Variants in SGTA observed in about 807,000 individuals in gnomAD.
SGTA encodes small glutamine rich tetratricopeptide repeat co-chaperone alpha.
Under a neutral mutation model 44.3 loss-of-function variants are expected in SGTA, and 22 were observed. The ratio of observed to expected loss-of-function variants is 0.50; its 90% confidence interval spans 0.36 to 0.71. The LOEUF (loss-of-function observed/expected upper bound fraction) is 0.71, where lower values mean the gene tolerates loss of function less well. Among genes scored for constraint, SGTA ranks in the 30% least tolerant of loss-of-function variants. SGTA has a pLI of 0.00. For synonymous variants in SGTA, 174 were observed against 177.6 expected (o/e 0.98, Z 0.16); for missense variants, 341 against 435.9 (o/e 0.78, Z 1.94).
chr19:2,771,070 G>A (rs933844707), intron 1 of SGTA, among the ~76,000 whole-genome samples: 7 of 152,192 alleles, frequency 4.6e-5, no homozygotes, highest in Non-Finnish European at 8.8e-5. Context: ...GTCAGGGGTC[G>A]GGGAAAAAAT....
chr19:2,772,620 G>T (rs899013446), intron 1 of SGTA, among the ~76,000 whole-genome samples: 1 of 152,256 alleles, frequency 6.6e-6, no homozygotes, highest in Non-Finnish European at 1.5e-5. Flanking sequence ...CTGGAAATAA[G>T]ATCTTGGCGG....
intron 4 of SGTA, among the ~76,000 whole-genome samples, chr19:2,766,424 T>C (rs1257599414): frequency 6.6e-6 from 1 of 151,810 alleles, no homozygotes; most frequent in East Asian, 1.9e-4. Flanking sequence ...TTTTATTGTT[T>C]TATTTTTTAT....
chr19:2,781,189 T>C (rs1915567277), intron 1 of SGTA, among the ~76,000 whole-genome samples: 1 of 152,180 alleles, frequency 6.6e-6, no homozygotes, highest in Non-Finnish European at 1.5e-5. Flanking sequence ...AGACGACAGC[T>C]CTCAAGGATC....
chr19:2,768,194 C>T (rs1915203416), intron 2 of SGTA, among the ~76,000 whole-genome samples: 1 of 152,174 alleles, frequency 6.6e-6, no homozygotes, highest in African/African-American at 2.4e-5. Flanking sequence ...TGCTGGCCCA[C>T]CTGACAGACT....
At chr19:2,768,942 AG>A (rs762564339) in intron 2 of SGTA, 26 bp downstream of exon 2, 3 of 1,543,044 alleles carry the variant, frequency 1.9e-6, no homozygotes, top group Non-Finnish European at 2.7e-6. Flanking sequence ...GCCCGGGGAG[AG>A]GGGGAAGTGG....
In SGTA at chr19:2,758,188, T is replaced by C. The variant is rs575832121; in HGVS notation, c.738-406A>G. ...AGGACGGCCCTGCTCCAGAAACTGG[T>C]CCAGCTCAAATGGCCACGGTGCTGT... is the stretch of plus-strand genomic sequence containing the variant. On this transcript the variant is annotated intron_variant, in intron 9 of 11. Coordinates refer to ENST00000221566, the MANE Select transcript of SGTA (RefSeq NM_003021.4). 2.0e-5 allele frequency among the ~76,000 whole-genome samples: 3 copies of C among 152,286 alleles called. No homozygotes were observed. In the East Asian group the frequency reaches 5.8e-4, roughly 29 times the overall value.
rs893362154 is a variant in SGTA at position 2,763,833 on chromosome 19, GA to G, written c.393-77del. 2 of 1,158,360 alleles carry G rather than the reference GA, an allele frequency of 1.7e-6. No individual in the cohort carries two copies. Among genetic ancestry groups the G allele is most frequent in the African/African-American group, 3.1e-5 (2 of 65,346 alleles). 71.8% of individuals were successfully genotyped at this position (1,158,360 alleles called of 1,614,324 possible). A position where few individuals can be genotyped will look rare whatever the true frequency, so the allele number is the denominator to read the frequency against. On this transcript the variant is annotated intron_variant, in intron 5 of 11. Transcript: ENST00000221566. This position sits in a 1 kb window ranked among gnomAD's most constrained non-coding sequence, Gnocchi z 5.8. The stretch of plus-strand genomic sequence containing the variant: ...CGGGCAGCCCTTGAGGGGAGCCTGA[GA>G]GCTGCGTTCCTCTCCAACTTCCTGG...
At position 2,767,388 on chromosome 19, in the gene SGTA, G is replaced by C. The variant is rs1199203340; in HGVS notation, c.208-168C>G. The stretch of plus-strand genomic sequence containing the variant: ...ATGTGGCCCTGGGCGAGTGACCACA[G>C]CGCTATGTGTCTCAGGACCCGCCGA... On this transcript the variant is annotated intron_variant, in intron 3 of 11. Coordinates refer to ENST00000221566, the MANE Select transcript of SGTA (RefSeq NM_003021.4). This position sits in a 1 kb window ranked among gnomAD's most constrained non-coding sequence, Gnocchi z 7.3. Among the ~76,000 whole-genome samples, 1 of 152,122 alleles carries C rather than the reference G, an allele frequency of 6.6e-6. No homozygotes were observed. Among genetic ancestry groups the C allele is most frequent in the Non-Finnish European group, 1.5e-5 (1 of 67,994 alleles).
At chr19:2,757,558 G>C in intron 10 of SGTA, 101 bp from the exon 11 acceptor site, 2 of 1,508,454 alleles carry the variant, frequency 1.3e-6, no homozygotes, top group African/African-American at 1.4e-5. Flanking sequence ...CCAAAGACAG[G>C]CCTGACCCCT....
intron 1 of SGTA, among the ~76,000 whole-genome samples, chr19:2,771,561 C>T (rs1055586079): frequency 1.1e-4 from 16 of 145,736 alleles, no homozygotes; most frequent in African/African-American, 4.1e-4. Flanking sequence ...TGGATGGCGA[C>T]AGCACCTCCC....
chr19:2,782,116 G>A (rs532231115), intron 1 of SGTA, among the ~76,000 whole-genome samples: 1 of 152,220 alleles, frequency 6.6e-6, no homozygotes, highest in South Asian at 2.1e-4. Context: ...AAGCATTATT[G>A]ACATTTAAAG....
intron 2 of SGTA, 112 bp downstream of exon 2, chr19:2,768,857 C>T: frequency 2.5e-6 from 2 of 784,464 alleles, no homozygotes; most frequent in Non-Finnish European, 4.3e-6. Flanking sequence ...GCTTAGCTTC[C>T]ACCCCCAAAA....
At chr19:2,778,439 C>T (rs1915493210) in intron 1 of SGTA, among the ~76,000 whole-genome samples, 1 of 152,068 alleles carries the variant, frequency 6.6e-6, no homozygotes, top group Non-Finnish European at 1.5e-5. Context: ...CTTCCAGTGC[C>T]GCCGGTGCCT....
chr19:2,755,914 C>A lies in SGTA; in HGVS notation c.*26G>T, dbSNP rs113415531. On this transcript the variant is annotated 3_prime_UTR_variant, in exon 12 of 12. Coordinates refer to ENST00000221566, the MANE Select transcript of SGTA (RefSeq NM_003021.4). This position sits in a 1 kb window ranked among gnomAD's most constrained non-coding sequence, Gnocchi z 5.2. ...TTCCTTCGGGTCGGCCAGGGAAGGACGCGGTCACACCGGGAGCAGCTGGAA... is the reference window on the plus strand; with the variant it reads ...TTCCTTCGGGTCGGCCAGGGAAGGAAGCGGTCACACCGGGAGCAGCTGGAA... 7.5e-5 allele frequency: 74 copies of A among 985,672 alleles called. 1 individual carries two copies. In the African/African-American group the frequency reaches 1.2e-3, roughly 16 times the overall value. The allele number at this position is 985,672 out of a possible 1,614,324, so 61.1% of individuals were successfully genotyped here.
Position 2,767,451 on chromosome 19 carries a change from C to T in SGTA, c.207+129G>A, listed in dbSNP as rs1915177304. The T allele has an allele frequency of 3.5e-6, 3 of 845,232 alleles. No individual in the cohort carries two copies. The highest frequency in any genetic ancestry group is 5.7e-6 in the Non-Finnish European group (3 of 522,566). The allele number at this position is 845,232 out of a possible 1,614,324, so 52.4% of individuals were successfully genotyped here. A position where few individuals can be genotyped will look rare whatever the true frequency, so the allele number is the denominator to read the frequency against. ...GGCCAAGTGCTCCTGCAGCCACGTC[C>T]CCAGCCCAGGAGAGGATGCAGGCAG... On this transcript the variant is annotated intron_variant, in intron 3 of 11. Coordinates refer to ENST00000221566, the MANE Select transcript of SGTA (RefSeq NM_003021.4). This position sits in a 1 kb window ranked among gnomAD's most constrained non-coding sequence, Gnocchi z 7.3.
chr19:2,775,151 T>A (rs929906689), intron 1 of SGTA, among the ~76,000 whole-genome samples: 8 of 152,232 alleles, frequency 5.3e-5, no homozygotes, highest in African/African-American at 1.7e-4. Flanking sequence ...CGCAGTGACC[T>A]ATGCGGCAGG....
rs1368117196 is a variant in SGTA, at chr19:2,763,256, G to A, written c.497+397C>T. Among the ~76,000 whole-genome samples the A allele has an allele frequency of 2.0e-5, 3 of 152,210 alleles. No homozygotes were observed. Among genetic ancestry groups the A allele is most frequent in the South Asian group, 2.1e-4 (1 of 4,836 alleles). ...GCTGGGAGGGCGGCACCGGCTGCAC[G>A]GGGCGCAGGCTCCTGCCCCGGGGAC... On this transcript the variant is annotated intron_variant, in intron 6 of 11. Coordinates refer to ENST00000221566, the MANE Select transcript of SGTA (RefSeq NM_003021.4). This position sits in a 1 kb window ranked among gnomAD's most constrained non-coding sequence, Gnocchi z 5.8.
chr19:2,757,272 T>C, intron 11 of SGTA, 65 bp downstream of exon 11: 1 of 1,562,020 alleles, frequency 6.4e-7, no homozygotes, highest in Non-Finnish European at 8.6e-7. Context: ...CTGCCCTCAC[T>C]GCCAGGCACT....
intron 1 of SGTA, among the ~76,000 whole-genome samples, chr19:2,772,947 C>T (rs796989677): frequency 5.4e-5 from 3 of 55,482 alleles, no homozygotes; most frequent in Non-Finnish European, 8.4e-5. Context: ...CGCGGCCACA[C>T]GGCAGGGACA....
Sources: allele counts gnomAD v4.1 joint callset (sites outside exome capture counted in the v4.1 genomes callset), GRCh38; gene constraint gnomAD v4.1.1; non-coding constraint Gnocchi (gnomAD v3.1); transcripts MANE v1.5; gene names NCBI Gene and HGNC (gene_info 2026-07-23, HGNC 2026-07-21).